Variants in CASP9 observed in about 807,000 individuals in gnomAD.
CASP9 encodes caspase-9.
A neutral mutation model predicts 43.5 loss-of-function variants in CASP9; 29 were observed. The ratio of observed to expected loss-of-function variants is 0.67; its 90% CI spans 0.50 to 0.91. The LOEUF is 0.91. Ranked by LOEUF, CASP9 falls within the 40% of genes least tolerant of loss-of-function variation. The pLI, the probability that CASP9 is intolerant of heterozygous loss-of-function variation, is 0.00. For missense variants in CASP9, 575 were observed against 537.4 expected, an observed-to-expected ratio of 1.07 and a Z score of -0.69; for synonymous variants, 206 against 211.9, an observed-to-expected ratio of 0.97 and a Z score of 0.24.
intron 2 of CASP9, among the ~76,000 whole-genome samples, chr1:15,511,616 C>G (rs1709758604): frequency 1.3e-5 from 2 of 152,186 alleles, no homozygotes; most frequent in African/African-American, 4.8e-5. Context: ...GTTGGCCAGG[C>G]TGGTCTCAAA....
chr1:15,498,069 T>G (rs1028719822), intron 6 of CASP9, among the ~76,000 whole-genome samples: 1 of 152,064 alleles, frequency 6.6e-6, no homozygotes, highest in Non-Finnish European at 1.5e-5. Context: ...TGTTTTGTTT[T>G]GGGGGATTGT....
upstream of CASP9, chr1:15,524,285 GC>G (rs1710352015): frequency 2.1e-5 from 19 of 897,868 alleles, no homozygotes; most frequent in Non-Finnish European, 2.9e-5. Context: ...ACCCGCCCCC[GC>G]CCCAGGGCCT....
At position 15,524,153 on chromosome 1, in the gene CASP9, C is replaced by G; in HGVS notation, c.48G>C (p.Leu16=). 1 of 1,539,918 alleles carries G rather than the reference C, an allele frequency of 6.5e-7. No individual in the cohort carries two copies. The highest frequency in any genetic ancestry group is 8.7e-7 in the Non-Finnish European group (1 of 1,147,096). ...GCTGGTCCACCTGCAGCTCTTCCAC[C>G]AGCCGCAGCCGGCACCGCCGCAGGA... ...RRLLRRCRLR[L]VEELQVDQLW... Residue 16 remains leucine (L), a synonymous_variant, in exon 1 of 9, where the codon CTG becomes CTC. Transcript: ENST00000333868.
chr1:15,492,532 A>AT lies in CASP9; in HGVS notation c.*410_*411insA. On this transcript the variant is annotated 3_prime_UTR_variant, in exon 9 of 9. Transcript: ENST00000333868. The stretch of plus-strand genomic sequence containing the variant: ...CCTTTTTGTTTGGCACCACTCAGGA[A>AT]GACGCGTTACTGGCATTGAGGCAAG... 1 of 167,350 alleles carries AT rather than the reference A, an allele frequency of 6.0e-6. No individual in the cohort carries two copies. The highest frequency in any genetic ancestry group is 6.2e-5 in the Admixed American group (1 of 16,092). The allele number at this position is 167,350 out of a possible 1,614,324, so 10.4% of individuals were successfully genotyped here.
intron 2 of CASP9, among the ~76,000 whole-genome samples, chr1:15,514,690 C>T (rs1188124947): frequency 3.3e-5 from 5 of 152,198 alleles, no homozygotes; most frequent in Non-Finnish European, 7.3e-5. Flanking sequence ...GTGTATACTA[C>T]AAAGTGATAT....
At chr1:15,501,576 C>A (rs1031840418) in intron 6 of CASP9, among the ~76,000 whole-genome samples, 5 of 152,196 alleles carry the variant, frequency 3.3e-5, no homozygotes, top group African/African-American at 1.2e-4. Context: ...CTGCTCTCAG[C>A]TGACGTGGCG....
chr1:15,523,058 A>G (rs1710271883), intron 1 of CASP9, among the ~76,000 whole-genome samples: 1 of 152,250 alleles, frequency 6.6e-6, no homozygotes, highest in African/African-American at 2.4e-5. Context: ...ATGGTAGGAA[A>G]TATCTCCTGC....
intron 6 of CASP9, among the ~76,000 whole-genome samples, chr1:15,503,021 CG>C (rs1431849969): frequency 2.0e-5 from 3 of 151,734 alleles, no homozygotes; most frequent in Non-Finnish European, 4.4e-5. Flanking sequence ...GGGGTGGGAG[CG>C]GGGGGCAGGC....
chr1:15,507,165 C>A (rs772902765), intron 3 of CASP9, 90 bp from the exon 4 acceptor site: 7 of 1,503,808 alleles, frequency 4.7e-6, no homozygotes, highest in Non-Finnish European at 6.4e-6. Context: ...GGGGTCTGCC[C>A]TCTCGCACAA....
intron 6 of CASP9, 54 bp downstream of exon 6, chr1:15,504,557 T>C: frequency 6.5e-7 from 1 of 1,544,650 alleles, no homozygotes; most frequent in Middle Eastern, 2.4e-4. Context: ...AAGAAGCAGG[T>C]GGCGGCTCCC....
intron 2 of CASP9, among the ~76,000 whole-genome samples, chr1:15,512,377 G>A (rs1294569706): frequency 1.3e-5 from 2 of 152,210 alleles, no homozygotes; most frequent in African/African-American, 4.8e-5. Context: ...GCCCTCCCCA[G>A]GATGGTGGGC....
At chr1:15,515,786 T>G (rs1709923929) in intron 2 of CASP9, among the ~76,000 whole-genome samples, 1 of 152,192 alleles carries the variant, frequency 6.6e-6, no homozygotes, top group Admixed American at 6.5e-5. Flanking sequence ...CCGAGTGCAG[T>G]GGCTCACACC....
rs769508973 is a variant in CASP9 at position 15,492,904 on chromosome 1, T to C, written c.*39A>G. ...TCTTTCAGGCCTGGGGCAGGAAAGC[T>C]TTGGGGTGCAAGATAAGGCAGGGTG... On this transcript the variant is annotated 3_prime_UTR_variant, in exon 9 of 9. Transcript: ENST00000333868. 1.4e-5 allele frequency: 22 copies of C among 1,610,456 alleles called. No homozygotes were observed. Among genetic ancestry groups the C allele is most frequent in the Non-Finnish European group, 1.8e-5 (21 of 1,179,662 alleles).
intron 2 of CASP9, among the ~76,000 whole-genome samples, chr1:15,511,453 G>C (rs1270568960): frequency 6.6e-6 from 1 of 151,522 alleles, no homozygotes; most frequent in Non-Finnish European, 1.5e-5. Flanking sequence ...GCCCAGGCTG[G>C]AGTACAATGG....
At chr1:15,516,471 T>C (rs1371641044) in intron 2 of CASP9, among the ~76,000 whole-genome samples, 1 of 96,930 alleles carries the variant, frequency 1.0e-5, no homozygotes, top group African/African-American at 3.9e-5. Flanking sequence ...ACAGAAGACC[T>C]TGCCTCAATT....
intron 2 of CASP9, among the ~76,000 whole-genome samples, chr1:15,517,727 T>A (rs988147038): frequency 6.6e-6 from 1 of 151,882 alleles, no homozygotes; most frequent in East Asian, 1.9e-4. Flanking sequence ...ATGGGGCAGA[T>A]ACAACTGAGG....
At chr1:15,505,411 A>C (rs1203882672) in intron 5 of CASP9, among the ~76,000 whole-genome samples, 1 of 152,194 alleles carries the variant, frequency 6.6e-6, no homozygotes, top group Non-Finnish European at 1.5e-5. Flanking sequence ...GTTTGTCAAG[A>C]GAAACTAGAA....
At chr1:15,520,769 C>T (rs1420828086) in intron 1 of CASP9, among the ~76,000 whole-genome samples, 2 of 151,796 alleles carry the variant, frequency 1.3e-5, no homozygotes, top group East Asian at 1.9e-4. Context: ...CTGACCAACA[C>T]GGTGAAACCC....
intron 6 of CASP9, among the ~76,000 whole-genome samples, chr1:15,495,794 C>A (rs1372917275): frequency 6.6e-6 from 1 of 152,244 alleles, no homozygotes; most frequent in Non-Finnish European, 1.5e-5. Context: ...AGAGGCATCA[C>A]CCCTCTGCCC....
Sources: gnomAD v4.1 joint callset for allele counts (sites outside exome capture counted in the v4.1 genomes callset) on GRCh38, gnomAD v4.1.1 for gene constraint, MANE v1.5 for transcripts, NCBI Gene and HGNC (gene_info 2026-07-23, HGNC 2026-07-21) for gene names.